The following KDM4C variants were observed in gnomAD, a reference collection of about 807,000 sequenced individuals.
The protein encoded by KDM4C is lysine-specific demethylase 4C.
Under a neutral mutation model 129.3 loss-of-function variants are expected in KDM4C, and 81 were observed. That is an observed-to-expected ratio of 0.63 (90% CI 0.52 to 0.75). KDM4C has a LOEUF of 0.75. Among genes scored for constraint, KDM4C ranks in the 30% least tolerant of loss-of-function variants. The probability of loss-of-function intolerance (pLI) is 0.00; values close to 1 mark genes in which losing one functional copy is unlikely to be tolerated. For missense variants in KDM4C, 1,457 were observed against 1,304.0 expected, an observed-to-expected ratio of 1.12 and a Z score of -1.81; for synonymous variants, 573 against 456.1, an observed-to-expected ratio of 1.26 and a Z score of -3.26.
intron 18 of KDM4C, among the ~76,000 whole-genome samples, chr9:7,111,381 C>T (rs112655533): frequency 3.3e-5 from 5 of 152,314 alleles, no homozygotes; most frequent in African/African-American, 1.2e-4. Context: ...AATGCAGACA[C>T]TCTGAAATTC....
intron 1 of KDM4C, among the ~76,000 whole-genome samples, chr9:6,721,800 T>A (rs1003971853): frequency 3.3e-5 from 5 of 150,496 alleles, no homozygotes; most frequent in Admixed American, 1.3e-4. Flanking sequence ...ATATTGGCCA[T>A]GCTGGTCTCA....
intron 6 of KDM4C, among the ~76,000 whole-genome samples, chr9:6,885,647 T>C (rs1209021651): frequency 6.6e-6 from 1 of 151,134 alleles, no homozygotes; most frequent in Non-Finnish European, 1.5e-5. Context: ...CAGTTGACTT[T>C]AGTATGGCAA....
In KDM4C at chr9:6,805,749, T is replaced by C. The variant is rs1236363407; in HGVS notation, c.295T>C (p.Phe99Leu). 6.2e-7 allele frequency: 1 copy of C among 1,611,592 alleles called. No individual in the cohort carries two copies. Among genetic ancestry groups the C allele is most frequent in the Admixed American group, 1.7e-5 (1 of 59,542 alleles). The change falls in exon 3 of 22, where the codon TTC becomes CTC. Residue 99 changes from phenylalanine (F) to leucine (L), a missense_variant. Phe to Leu is a conservative substitution (Grantham distance 22). Transcript: ENST00000381309. ...IQKKAMTVKE[F>L]RQLANSGKYC... ...GAAAAAAGCGATGACTGTGAAGGAG[T>C]TCAGGCAGCTGGCCAACAGTGGCAA...
At position 6,969,626 on chromosome 9, in the gene KDM4C, C is replaced by A. The variant is rs139517246; in HGVS notation, c.922-11299C>A. On this transcript the variant is annotated intron_variant, in intron 8 of 21. Coordinates refer to ENST00000381309, the MANE Select transcript of KDM4C (RefSeq NM_015061.6). ...ACCTGATAACGCATTCCATCCCATG[C>A]TGACTATCAAATCATTTTTTCATAT... 3.9e-3 allele frequency among the ~76,000 whole-genome samples: 587 copies of A among 152,318 alleles called. 4 individuals are homozygous for A. The highest frequency in any genetic ancestry group is 0.013 in the African/African-American group (537 of 41,558).
At chr9:6,947,202 G>A (rs1043899590) in intron 8 of KDM4C, among the ~76,000 whole-genome samples, 3 of 152,038 alleles carry the variant, frequency 2.0e-5, no homozygotes, top group East Asian at 3.9e-4. Flanking sequence ...TTCTACAACC[G>A]TACTTCTGTT....
intron 4 of KDM4C, among the ~76,000 whole-genome samples, chr9:6,826,686 T>C (rs972885781): frequency 2.6e-5 from 4 of 152,036 alleles, no homozygotes; most frequent in African/African-American, 9.7e-5. Context: ...GTCAACATTG[T>C]GAAACCCTGT....
chr9:6,835,096 C>G, intron 4 of KDM4C: 1 of 1,004,132 alleles, frequency 1.0e-6, no homozygotes, highest in East Asian at 2.4e-5. Context: ...CAAGGAGAAG[C>G]TGTGCTATGT....
At chr9:6,824,149 G>A (rs1016559215) in intron 4 of KDM4C, among the ~76,000 whole-genome samples, 1 of 152,182 alleles carries the variant, frequency 6.6e-6, no homozygotes, top group East Asian at 1.9e-4. Flanking sequence ...AATTATTGTA[G>A]CAAATAGTTG....
chr9:7,046,056 A>C (rs1829343906), intron 15 of KDM4C, among the ~76,000 whole-genome samples: 1 of 152,058 alleles, frequency 6.6e-6, no homozygotes, highest in African/African-American at 2.4e-5. Flanking sequence ...TGAGAGGACA[A>C]GCTTGAAACA....
At chr9:6,786,519 A>C (rs1377814181) in intron 1 of KDM4C, among the ~76,000 whole-genome samples, 1 of 152,242 alleles carries the variant, frequency 6.6e-6, no homozygotes, top group Admixed American at 6.5e-5. Flanking sequence ...CAGTCAAAAG[A>C]AGGGTAGCAT....
intron 5 of KDM4C, among the ~76,000 whole-genome samples, chr9:6,871,883 G>C (rs889742201): frequency 6.6e-6 from 1 of 152,172 alleles, no homozygotes; most frequent in African/African-American, 2.4e-5. Flanking sequence ...TGCACATTGA[G>C]CAGCATCTTG....
intron 4 of KDM4C, among the ~76,000 whole-genome samples, chr9:6,846,777 C>T (rs1254506472): frequency 1.3e-5 from 2 of 151,996 alleles, no homozygotes; most frequent in African/African-American, 4.8e-5. Context: ...GGAGGCTTTC[C>T]AGTAAGATTT....
chr9:7,110,680 A>G (rs1043897761), intron 18 of KDM4C, among the ~76,000 whole-genome samples: 2 of 152,186 alleles, frequency 1.3e-5, no homozygotes, highest in Non-Finnish European at 2.9e-5. Context: ...AGCAAAGTTT[A>G]CAGTTCCTTT....
chr9:6,992,457 AC>A (rs1202675130), intron 12 of KDM4C, among the ~76,000 whole-genome samples: 2 of 152,172 alleles, frequency 1.3e-5, no homozygotes, highest in Non-Finnish European at 1.5e-5. Context: ...TATGTTAAGG[AC>A]CCCTGGTGAC....
intron 17 of KDM4C, among the ~76,000 whole-genome samples, chr9:7,092,767 C>T (rs947198635): frequency 1.3e-5 from 2 of 152,094 alleles, no homozygotes; most frequent in African/African-American, 4.8e-5. Flanking sequence ...TGTATGATTG[C>T]CAGTGAGCCA....
intron 8 of KDM4C, chr9:6,924,943 CAG>C (rs1822209358): frequency 1.2e-4 from 120 of 984,630 alleles, no homozygotes; most frequent in Non-Finnish European, 1.4e-4. Flanking sequence ...TGTGTTCTGA[CAG>C]TGGTTATTTT....
chr9:7,137,077 T>C (rs1163187334), intron 19 of KDM4C, among the ~76,000 whole-genome samples: 2 of 152,218 alleles, frequency 1.3e-5, no homozygotes, highest in Non-Finnish European at 2.9e-5. Flanking sequence ...CTGAAAAACT[T>C]TGAAACCACT....
At chr9:6,806,478 G>A (rs1049474399) in intron 3 of KDM4C, among the ~76,000 whole-genome samples, 6 of 151,440 alleles carry the variant, frequency 4.0e-5, no homozygotes, top group African/African-American at 7.3e-5. Flanking sequence ...TGGGCAACAA[G>A]AGTGAAACTC....
chr9:7,072,955 T>C (rs1178884430), intron 17 of KDM4C, among the ~76,000 whole-genome samples: 1 of 152,172 alleles, frequency 6.6e-6, no homozygotes, highest in Non-Finnish European at 1.5e-5. Flanking sequence ...ATACTAATGA[T>C]AGCTCAGTGA....
Sources: gnomAD v4.1 joint callset for allele counts (sites outside exome capture counted in the v4.1 genomes callset) on GRCh38, gnomAD v4.1.1 for gene constraint, MANE v1.5 for transcripts, NCBI Gene and HGNC (gene_info 2026-07-23, HGNC 2026-07-21) for gene names.